The following MGST1 variants were observed in gnomAD, a reference collection of about 807,000 sequenced individuals.
MGST1 encodes the protein glutathione S-transferase 12.
In MGST1, 5 loss-of-function variants were observed where a neutral mutation model predicts 8.9. The observed-to-expected ratio is 0.56, with a 90% confidence interval of 0.29 to 1.19. MGST1 has a LOEUF of 1.19. Among genes scored for constraint, MGST1 ranks in the 50% most tolerant of loss-of-function variants. The pLI is 0.08. For synonymous variants in MGST1, 54 were observed against 67.8 expected (o/e 0.80, Z 1.00); for missense variants, 182 against 187.4 (o/e 0.97, Z 0.17).
chr12:16,579,852 C>A (rs1417917974), intron 4 of MGST1, among the ~76,000 whole-genome samples: 1 of 152,130 alleles, frequency 6.6e-6, no homozygotes, highest in Non-Finnish European at 1.5e-5. Flanking sequence ...AATTTTTCAA[C>A]CTGTACTGAT....
chr12:16,388,014 C>A (rs1940520095), intron 1 of MGST1, among the ~76,000 whole-genome samples: 1 of 152,026 alleles, frequency 6.6e-6, no homozygotes. Context: ...GAAGTACACA[C>A]CATGATGTTT....
chr12:16,355,022 C>A (rs7966563), intron 2 of MGST1, among the ~76,000 whole-genome samples: 11,688 of 151,696 alleles, frequency 0.077, 545 homozygotes, highest in East Asian at 0.21. Context: ...GTGCTTGAAG[C>A]GCGTAGAGCG....
intron 1 of MGST1, among the ~76,000 whole-genome samples, chr12:16,425,663 A>G (rs34725238): frequency 0.13 from 19,133 of 152,172 alleles, 1,249 homozygotes; most frequent in Middle Eastern, 0.16. Flanking sequence ...CAACAACTAG[A>G]TCTAAAGCAC....
chr12:16,385,437 G>GTAC (rs372934541), intron 1 of MGST1, among the ~76,000 whole-genome samples: 3 of 57,548 alleles, frequency 5.2e-5, no homozygotes, highest in Non-Finnish European at 9.8e-5. Flanking sequence ...TGCATGAATT[G>GTAC]TATATAATAT....
At chr12:16,567,175 A>T (rs1328504825) in intron 4 of MGST1, among the ~76,000 whole-genome samples, 1 of 151,360 alleles carries the variant, frequency 6.6e-6, no homozygotes, top group Non-Finnish European at 1.5e-5. Flanking sequence ...CAGCCTGGGC[A>T]ATAAGAGTGA....
In MGST1 at chr12:16,548,592, G is replaced by T. The variant is rs1941874978; in HGVS notation, n.483-40936G>T. 6.6e-6 allele frequency: 1 copy of T among 152,096 alleles called. No homozygotes were observed. The highest frequency in any genetic ancestry group is 2.4e-5 in the African/African-American group (1 of 41,406). 9.4% of individuals were successfully genotyped at this position (152,096 alleles called of 1,614,324 possible). ...GAGCTTTCGCTGCTCAGAAATCAAA[G>T]CTCCATCGGAGGTGTCCTACTGGAG... On this transcript the variant is annotated intron_variant and non_coding_transcript_variant, in intron 4 of 4. Transcript: ENST00000538857. The surrounding 1 kb of genome is among the most constrained non-coding windows in gnomAD (Gnocchi z 4.2).
At chr12:16,403,617 G>C (rs1013225072) in intron 1 of MGST1, among the ~76,000 whole-genome samples, 1 of 151,868 alleles carries the variant, frequency 6.6e-6, no homozygotes, top group Non-Finnish European at 1.5e-5. Flanking sequence ...GTTTGTATTA[G>C]TCTCTTTTCA....
chr12:16,452,420 CTGTT>C (rs1941136372), intron 4 of MGST1, among the ~76,000 whole-genome samples: 3 of 149,788 alleles, frequency 2.0e-5, no homozygotes, highest in South Asian at 4.2e-4. Flanking sequence ...AAAATGGAAA[CTGTT>C]TGGTTGTCAT....
At chr12:16,348,330 T>C (rs746810383) in intron 1 of MGST1, among the ~76,000 whole-genome samples, 13 of 152,072 alleles carry the variant, frequency 8.5e-5, no homozygotes, top group Middle Eastern at 6.8e-3. Flanking sequence ...GAGCTAAGGG[T>C]GAGCCCCTTG....
At chr12:16,368,198 G>A (rs73316648), downstream of MGST1, among the ~76,000 whole-genome samples, 4,690 of 152,272 alleles carry the variant, frequency 0.031, 197 homozygotes, top group African/African-American at 0.091. Context: ...GTGAGGAGAA[G>A]GGCATGGAGT....
rs938372614 is a variant in MGST1, at chr12:16,582,693, C to T, written n.483-6835C>T. ...AATAAGTATACCACAACAAGATCAC[C>T]GTTCCTAGGTACGGTCCCTCACTCT... On this transcript the variant is annotated intron_variant and non_coding_transcript_variant, in intron 4 of 4. Transcript: ENST00000538857. This position sits in a 1 kb window ranked among gnomAD's most constrained non-coding sequence, Gnocchi z 4.1. Among the ~76,000 whole-genome samples the T allele has an allele frequency of 1.5e-4, 23 of 152,136 alleles. No individual in the cohort carries two copies. The highest frequency in any genetic ancestry group is 4.6e-4 in the African/African-American group (19 of 41,428).
intron 4 of MGST1, among the ~76,000 whole-genome samples, chr12:16,563,049 C>T (rs989888990): frequency 3.3e-5 from 5 of 152,164 alleles, no homozygotes; most frequent in East Asian, 1.9e-4. Flanking sequence ...TCTTCTTCCA[C>T]GCACTTTCCC....
intron 4 of MGST1, among the ~76,000 whole-genome samples, chr12:16,557,424 A>C (rs1250272065): frequency 1.3e-5 from 2 of 151,020 alleles, no homozygotes; most frequent in African/African-American, 4.9e-5. Flanking sequence ...ATGTGAGGGA[A>C]TGCGTAGTTT....
At chr12:16,490,364 A>G (rs1352500538) in intron 4 of MGST1, among the ~76,000 whole-genome samples, 1 of 152,196 alleles carries the variant, frequency 6.6e-6, no homozygotes, top group Non-Finnish European at 1.5e-5. Context: ...CTGCTCTTTC[A>G]ACCTAGATCC....
Position 16,497,803 on chromosome 12 carries a change from A to G in MGST1, n.483-91725A>G, listed in dbSNP as rs143607336. On this transcript the variant is annotated intron_variant and non_coding_transcript_variant, in intron 4 of 4. Coordinates refer to the MGST1 transcript ENST00000538857. The surrounding 1 kb of genome is among the most constrained non-coding windows in gnomAD (Gnocchi z 4.4). The stretch of plus-strand genomic sequence containing the variant: ...GTTCTCAAACTTTGTGCGCTTTTGT[A>G]AGAATTCCCTTGGTAATATGTTAAA... Among the ~76,000 whole-genome samples the G allele has an allele frequency of 6.6e-6, 1 of 152,270 alleles. No homozygotes were observed. The highest frequency in any genetic ancestry group is 1.5e-5 in the Non-Finnish European group (1 of 68,008).
At chr12:16,411,303 T>C (rs1591720313) in intron 1 of MGST1, among the ~76,000 whole-genome samples, 1 of 152,156 alleles carries the variant, frequency 6.6e-6, no homozygotes, top group East Asian at 1.9e-4. Context: ...GTAGTAAATA[T>C]AAACATATTT....
chr12:16,372,329 A>G (rs1940307715), intron 3 of MGST1, among the ~76,000 whole-genome samples: 1 of 152,112 alleles, frequency 6.6e-6, no homozygotes, highest in Non-Finnish European at 1.5e-5. Context: ...AAATAACTCA[A>G]TAGCCAAAAG....
intron 1 of MGST1, among the ~76,000 whole-genome samples, chr12:16,390,373 G>A (rs946212265): frequency 6.6e-6 from 1 of 152,110 alleles, no homozygotes. Flanking sequence ...GGGGTTTGTT[G>A]TCCAGATTAT....
intron 3 of MGST1, chr12:16,376,099 C>A (rs1326894611): frequency 4.7e-6 from 6 of 1,289,894 alleles, no homozygotes; most frequent in Non-Finnish European, 6.3e-6. Flanking sequence ...TATTAAAAAT[C>A]TTATTTTTTT....
Sources: gnomAD v4.1 joint callset for allele counts (sites outside exome capture counted in the v4.1 genomes callset) on GRCh38, gnomAD v4.1.1 for gene constraint, Gnocchi (gnomAD v3.1) non-coding constraint, MANE v1.5 for transcripts, NCBI Gene and HGNC (gene_info 2026-07-23, HGNC 2026-07-21) for gene names.